The following RCAN1 variants were observed in gnomAD, a reference collection of about 807,000 sequenced individuals.
RCAN1 encodes the protein regulator of calcineurin 1.
RCAN1 carries 11 observed loss-of-function variants against 22.9 expected under a neutral mutation model. The observed-to-expected ratio is 0.48, with a 90% CI of 0.30 to 0.79. The LOEUF (loss-of-function observed/expected upper bound fraction) is 0.79. RCAN1 is among the 30% of genes least tolerant of loss of function. The pLI is 0.06. For synonymous variants in RCAN1, 136 were observed against 142.3 expected, an observed-to-expected ratio of 0.96 and a Z score of 0.32; for missense variants, 291 against 337.8, an observed-to-expected ratio of 0.86 and a Z score of 1.09.
intron 1 of RCAN1, among the ~76,000 whole-genome samples, chr21:34,563,794 T>TAGAG (rs60116779): frequency 0.066 from 3,204 of 48,242 alleles, 177 homozygotes; most frequent in Non-Finnish European, 0.082. Flanking sequence ...TATATATATA[T>TAGAG]AGAGAGAGAG....
chr21:34,559,616 T>C (rs1986716135), intron 1 of RCAN1, among the ~76,000 whole-genome samples: 1 of 120,780 alleles, frequency 8.3e-6, no homozygotes, highest in Admixed American at 7.7e-5. Context: ...TAGCTCACAT[T>C]TTCCAGTTTA....
intron 1 of RCAN1, among the ~76,000 whole-genome samples, chr21:34,587,914 T>C (rs1987851978): frequency 6.6e-6 from 1 of 152,098 alleles, no homozygotes; most frequent in South Asian, 2.1e-4. Context: ...ATCCAATCAG[T>C]TAAAGGCCTT....
chr21:34,519,397 C>CTTTT (rs34152667), intron 3 of RCAN1, among the ~76,000 whole-genome samples: 350 of 102,726 alleles, frequency 3.4e-3, no homozygotes, highest in African/African-American at 4.6e-3. Context: ...TTCTTTCTTT[C>CTTTT]TTTTTTTTTT....
At chr21:34,589,242 T>C (rs1441445738) in intron 1 of RCAN1, among the ~76,000 whole-genome samples, 2 of 151,824 alleles carry the variant, frequency 1.3e-5, no homozygotes, top group Non-Finnish European at 2.9e-5. Flanking sequence ...CTTTGGATCA[T>C]ACAAAGGATC....
At chr21:34,532,980 A>G (rs111589795) in intron 1 of RCAN1, among the ~76,000 whole-genome samples, 2 of 122,820 alleles carry the variant, frequency 1.6e-5, no homozygotes, top group South Asian at 2.4e-4. Flanking sequence ...TTTTTTTTTG[A>G]GACGGAGTCT....
chr21:34,536,335 G>A (rs1238167967), intron 1 of RCAN1, among the ~76,000 whole-genome samples: 1 of 152,122 alleles, frequency 6.6e-6, no homozygotes, highest in African/African-American at 2.4e-5. Context: ...TTTAATTTCT[G>A]CTTTGATGCC....
chr21:34,538,720 C>G (rs1601152096), intron 1 of RCAN1, among the ~76,000 whole-genome samples: 1 of 152,174 alleles, frequency 6.6e-6, no homozygotes. Flanking sequence ...TTGATACCCC[C>G]ACGTTGGTCA....
chr21:34,569,938 C>T (rs1446316595), intron 1 of RCAN1, among the ~76,000 whole-genome samples: 2 of 152,146 alleles, frequency 1.3e-5, no homozygotes, highest in African/African-American at 2.4e-5. Flanking sequence ...CAAGGGGCTT[C>T]GGGTGGGGTT....
Position 34,614,584 on chromosome 21 carries a change from C to G in RCAN1, c.252+176G>C. 2 of 999,804 alleles carry G rather than the reference C, an allele frequency of 2.0e-6. No individual in the cohort carries two copies. Among genetic ancestry groups the G allele is most frequent in the Non-Finnish European group, 2.5e-6 (2 of 812,480 alleles). 61.9% of individuals were successfully genotyped at this position (999,804 alleles called of 1,614,324 possible). ...CCGGGGGTGCTAGGGGACCGGGACC[C>G]TCGGGGCGCCGTCCCCACGCCCCAG... On this transcript the variant is annotated intron_variant, in intron 1 of 3. Coordinates refer to ENST00000313806, the MANE Select transcript of RCAN1 (RefSeq NM_004414.7). The surrounding 1 kb of genome is among the most constrained non-coding windows in gnomAD (Gnocchi z 6.0).
rs749789319 is a variant in RCAN1 at position 34,521,437 on chromosome 21, C to T, written c.586+62G>A. The T allele has an allele frequency of 2.5e-6, 4 of 1,611,446 alleles. No homozygotes were observed. In the South Asian group the frequency reaches 4.4e-5, roughly 18 times the overall value. On this transcript the variant is annotated intron_variant, in intron 3 of 3. Coordinates refer to ENST00000313806, the MANE Select transcript of RCAN1 (RefSeq NM_004414.7). ...TACGGGGGTAGTGGTGGTACTGCTC[C>T]CTGGTGCAGGGCAGCAGCTGTGTCT...
At chr21:34,519,281 AG>A (rs1984292280) in intron 3 of RCAN1, among the ~76,000 whole-genome samples, 1 of 152,200 alleles carries the variant, frequency 6.6e-6, no homozygotes, top group Non-Finnish European at 1.5e-5. Flanking sequence ...AAATAGGGGC[AG>A]GAGGTTTGCT....
At chr21:34,530,144 T>G (rs1485925982) in intron 1 of RCAN1, among the ~76,000 whole-genome samples, 1 of 152,230 alleles carries the variant, frequency 6.6e-6, no homozygotes, top group Non-Finnish European at 1.5e-5. Context: ...TTCTAAAACC[T>G]GCACTCAACA....
chr21:34,593,852 G>A (rs1056188389), intron 1 of RCAN1, among the ~76,000 whole-genome samples: 2 of 152,228 alleles, frequency 1.3e-5, no homozygotes, highest in Non-Finnish European at 2.9e-5. Context: ...GTCTAAAGAA[G>A]TGGTCTATGC....
In RCAN1 at chr21:34,605,687, C is replaced by T. The variant is rs150906612; in HGVS notation, c.252+9073G>A. On this transcript the variant is annotated intron_variant, in intron 1 of 3. Transcript: ENST00000313806. ...CTGTAATCCCAGCACTTTGGGAGGC[C>T]GAGGCGGGTGGATCACAAGGTCAGG... is the stretch of plus-strand genomic sequence containing the variant. Among the ~76,000 whole-genome samples the T allele has an allele frequency of 4.8e-3, 730 of 152,020 alleles. 23 individuals carry two copies. The East Asian group carries it at 0.078, about 16-fold the overall frequency.
chr21:34,545,055 G>A (rs761335211), intron 1 of RCAN1, among the ~76,000 whole-genome samples: 28 of 152,202 alleles, frequency 1.8e-4, no homozygotes, highest in Non-Finnish European at 1.6e-4. Context: ...CTGGGACCAC[G>A]TCTCCCGAGT....
intron 1 of RCAN1, among the ~76,000 whole-genome samples, chr21:34,538,157 T>G (rs1420679690): frequency 1.3e-5 from 2 of 152,142 alleles, no homozygotes; most frequent in African/African-American, 2.4e-5. Flanking sequence ...TTGTCAGGAA[T>G]GGCATTCGAA....
chr21:34,575,923 T>G (rs1987400026), intron 1 of RCAN1, among the ~76,000 whole-genome samples: 1 of 152,074 alleles, frequency 6.6e-6, no homozygotes, highest in Admixed American at 6.6e-5. Flanking sequence ...ACTCAAAGAA[T>G]TTGGACAGGC....
At chr21:34,586,139 A>G (rs541635416) in intron 1 of RCAN1, among the ~76,000 whole-genome samples, 3 of 152,374 alleles carry the variant, frequency 2.0e-5, no homozygotes, top group Admixed American at 1.3e-4. Flanking sequence ...AGAATAGACG[A>G]AATTCAGTAA....
chr21:34,528,907 C>G (rs1297488430), intron 1 of RCAN1, among the ~76,000 whole-genome samples: 1 of 151,214 alleles, frequency 6.6e-6, no homozygotes, highest in African/African-American at 2.4e-5. Flanking sequence ...TCTGAGACAA[C>G]AGTGTGGGCT....
Sources: gnomAD v4.1 joint callset for allele counts (sites outside exome capture counted in the v4.1 genomes callset) on GRCh38, gnomAD v4.1.1 for gene constraint, Gnocchi (gnomAD v3.1) non-coding constraint, MANE v1.5 for transcripts, NCBI Gene and HGNC (gene_info 2026-07-23, HGNC 2026-07-21) for gene names.